Variants in LRIG3 observed in about 807,000 individuals in gnomAD.
The protein encoded by LRIG3 is leucine-rich repeats and immunoglobulin-like domains protein 3.
In LRIG3, 76 loss-of-function variants were observed where a neutral mutation model predicts 114.5. The ratio of observed to expected loss-of-function variants is 0.66; its 90% CI spans 0.55 to 0.80. The LOEUF (loss-of-function observed/expected upper bound fraction) is 0.80, where lower values mean the gene tolerates loss of function less well. Ranked by LOEUF, LRIG3 falls within the 30% of genes least tolerant of loss-of-function variation. LRIG3 has a pLI of 0.00. For missense variants in LRIG3, 1,239 were observed against 1,382.8 expected, an observed-to-expected ratio of 0.90 and a Z score of 1.65; for synonymous variants, 512 against 519.8, an observed-to-expected ratio of 0.98 and a Z score of 0.20.
rs577192576 is a variant in LRIG3 at position 58,872,499 on chromosome 12, T to C, written c.*73A>G. ...AATTCATAACTCCATTTAAAAAACATAAGATTCTCTCTCTTTTAAATAAAA... is the reference window on the plus strand; with the variant it reads ...AATTCATAACTCCATTTAAAAAACACAAGATTCTCTCTCTTTTAAATAAAA... On this transcript the variant is annotated 3_prime_UTR_variant, in exon 19 of 19. Transcript: ENST00000320743. The C allele has an allele frequency of 1.3e-5, 18 of 1,429,722 alleles. No individual in the cohort carries two copies. The Admixed American group carries it at 2.9e-4, about 23-fold the overall frequency. The allele number at this position is 1,429,722 out of a possible 1,614,324, so 88.6% of individuals were successfully genotyped here. A position where few individuals can be genotyped will look rare whatever the true frequency, so the allele number is the denominator to read the frequency against.
intron 12 of LRIG3, 35 bp from the exon 13 acceptor site, chr12:58,880,936 T>C (rs763361453): frequency 6.3e-7 from 1 of 1,586,650 alleles, no homozygotes; most frequent in Non-Finnish European, 8.6e-7. Context: ...CAAAACAATG[T>C]TAAGGCTCAA....
chr12:58,912,808 G>C (rs528295929), intron 3 of LRIG3, among the ~76,000 whole-genome samples: 2 of 152,204 alleles, frequency 1.3e-5, no homozygotes, highest in East Asian at 1.9e-4. Flanking sequence ...ACTCCATTTA[G>C]ATTCTAAAAT....
intron 3 of LRIG3, among the ~76,000 whole-genome samples, chr12:58,912,644 GCCATGAAGTATGCCATGAC>G (rs960933473): frequency 8.5e-5 from 13 of 152,140 alleles, no homozygotes; most frequent in Non-Finnish European, 1.3e-4. Flanking sequence ...GATCCTCTCA[GCCATGAAGTATGCCATGAC>G]CCTCAAGCTC....
intron 18 of LRIG3, chr12:58,873,739 CA>C: frequency 2.5e-6 from 1 of 395,218 alleles, no homozygotes; most frequent in Non-Finnish European, 4.6e-6. Flanking sequence ...CGTGGGAGCC[CA>C]AAACCACTTT....
At chr12:58,910,572 C>T (rs1369398400) in intron 3 of LRIG3, among the ~76,000 whole-genome samples, 3 of 152,114 alleles carry the variant, frequency 2.0e-5, no homozygotes, top group African/African-American at 7.2e-5. Flanking sequence ...TGAGCCACTG[C>T]ACTCCAGCCT....
At chr12:58,904,074 TTAAAG>T (rs544008385) in intron 3 of LRIG3, among the ~76,000 whole-genome samples, 67 of 152,262 alleles carry the variant, frequency 4.4e-4, no homozygotes, top group African/African-American at 1.5e-3. Flanking sequence ...CATATGAACT[TTAAAG>T]TAGTTTTTTC....
Position 58,888,346 on chromosome 12 carries a change from G to A in LRIG3, c.930C>T (p.Cys310=). The A allele has an allele frequency of 6.2e-7, 1 of 1,613,212 alleles. No individual in the cohort carries two copies. Among genetic ancestry groups the A allele is most frequent in the Non-Finnish European group, 8.5e-7 (1 of 1,179,378 alleles). ...NRISPDAWEF[C]QKLSELDLTF... ...CAACTCACAGCTCACTGAGCTTCTG[G>A]CAGAACTCCCAGGCATCAGGGCTGA... The change falls in exon 7 of 19, where the codon TGC becomes TGT. Residue 310 remains cysteine (C), a synonymous_variant. Transcript: ENST00000320743.
At chr12:58,876,741 G>GCAA (rs1237933297) in intron 15 of LRIG3, 138 bp from the exon 16 acceptor site, 13 of 836,468 alleles carry the variant, frequency 1.6e-5, no homozygotes, top group Non-Finnish European at 2.4e-5. Context: ...AAACCATCTC[G>GCAA]ATTGTACAGT....
intron 3 of LRIG3, among the ~76,000 whole-genome samples, chr12:58,900,723 T>A (rs1260704727): frequency 6.6e-6 from 1 of 152,222 alleles, no homozygotes; most frequent in Non-Finnish European, 1.5e-5. Flanking sequence ...GACAGTTGAT[T>A]CCATATAAAC....
At chr12:58,910,041 T>G (rs569743176) in intron 3 of LRIG3, among the ~76,000 whole-genome samples, 71 of 152,290 alleles carry the variant, frequency 4.7e-4, no homozygotes, top group Non-Finnish European at 8.5e-4. Flanking sequence ...CCAGCAAAGG[T>G]AATCAATATA....
intron 3 of LRIG3, among the ~76,000 whole-genome samples, chr12:58,912,896 G>T (rs1592312053): frequency 6.6e-6 from 1 of 152,324 alleles, no homozygotes; most frequent in African/African-American, 2.4e-5. Context: ...GTGTTTATTT[G>T]TCAAATACCG....
chr12:58,895,290 G>A (rs1395343784), intron 3 of LRIG3, among the ~76,000 whole-genome samples: 1 of 152,172 alleles, frequency 6.6e-6, no homozygotes, highest in Non-Finnish European at 1.5e-5. Flanking sequence ...CGACAGGAAA[G>A]GAGGAGTGGG....
chr12:58,901,374 T>C lies in LRIG3; in HGVS notation c.384-10578A>G, dbSNP rs563073972. Among the ~76,000 whole-genome samples, 4 of 152,310 alleles carry C rather than the reference T, an allele frequency of 2.6e-5. No individual in the cohort carries two copies. In the South Asian group the frequency reaches 6.2e-4, roughly 24 times the overall value. On this transcript the variant is annotated intron_variant, in intron 3 of 18. Transcript: ENST00000320743. ...ATCTCAGTTACCTTGTTCTGGCCAT[T>C]GTGTTTATACTGCCATGCCAGACAG...
At position 58,885,836 on chromosome 12, in the gene LRIG3, C is replaced by A; in HGVS notation, c.1239G>T (p.Glu413Asp). The change falls in exon 10 of 19, where the codon GAG becomes GAT. Residue 413 changes from glutamate (E) to aspartate (D), a missense_variant. Transcript: ENST00000320743. Reference protein sequence around the residue: ...KKAFTGLDALEHLDLSDNAIM... With the variant: ...KKAFTGLDALDHLDLSDNAIM... ...ACTAAATTCTAGCTACTCACAGATG[C>A]TCCAATGCATCCAAACCAGTGAAGG... 1 of 1,580,900 alleles carries A rather than the reference C, an allele frequency of 6.3e-7. No individual in the cohort carries two copies. The highest frequency in any genetic ancestry group is 1.1e-5 in the South Asian group (1 of 88,210).
At chr12:58,904,212 C>T (rs1025617354) in intron 3 of LRIG3, among the ~76,000 whole-genome samples, 12 of 152,074 alleles carry the variant, frequency 7.9e-5, no homozygotes, top group African/African-American at 2.4e-4. Flanking sequence ...CTCCATCAAA[C>T]GAGGACCCTG....
chr12:58,875,394 C>A (rs982921347), intron 16 of LRIG3, among the ~76,000 whole-genome samples: 1 of 152,224 alleles, frequency 6.6e-6, no homozygotes, highest in African/African-American at 2.4e-5. Flanking sequence ...GCTTGCCAAG[C>A]ACTTTTAGTT....
In LRIG3 at chr12:58,920,093, G is replaced by C; in HGVS notation, c.143C>G (p.Pro48Arg). 1 of 1,554,760 alleles carries C rather than the reference G, an allele frequency of 6.4e-7. No homozygotes were observed. Among genetic ancestry groups the C allele is most frequent in the Non-Finnish European group, 8.7e-7 (1 of 1,149,784 alleles). ...PSGVAAERPC[P>R]TTCRCLGDLL... ...GTCCCCGAGGCAGCGGCAGGTAGTG[G>C]GGCATGGGCGCTCGGCGGCTACCCC... The change falls in exon 1 of 19, where the codon CCC becomes CGC. Residue 48 changes from proline (P) to arginine (R), a missense_variant. Pro to Arg is a moderately radical substitution (Grantham distance 103). Coordinates refer to ENST00000320743, the MANE Select transcript of LRIG3 (RefSeq NM_153377.5).
At position 58,890,139 on chromosome 12, in the gene LRIG3, C is replaced by T; in HGVS notation, c.516G>A (p.Leu172=). ...TAFPALQLKY[L]YLNSNRVTSM... ...ATGTGACTCGGTTGCTGTTGAGATACCTGTTGAAAGTTTAAAGATGAGCTT... is the reference window on the plus strand; with the variant it reads ...ATGTGACTCGGTTGCTGTTGAGATATCTGTTGAAAGTTTAAAGATGAGCTT... The change falls in exon 5 of 19, where the codon CTG becomes CTA. Residue 172 remains leucine, a splice_region_variant and synonymous_variant. Coordinates refer to ENST00000320743, the MANE Select transcript of LRIG3 (RefSeq NM_153377.5). 6.2e-7 allele frequency: 1 copy of T among 1,612,696 alleles called. No homozygotes were observed. Among genetic ancestry groups the T allele is most frequent in the Non-Finnish European group, 8.5e-7 (1 of 1,179,156 alleles).
Position 58,877,295 on chromosome 12 carries a change from C to T in LRIG3, c.2536+105G>A, listed in dbSNP as rs145468849. On this transcript the variant is annotated intron_variant, in intron 15 of 18. Transcript: ENST00000320743. ...CTGCAGCTTGAAACAAATGAGTCAC[C>T]CTTCTGAGATGAACTCAGACTGCAA... 8 of 1,132,584 alleles carry T rather than the reference C, an allele frequency of 7.1e-6. No individual in the cohort carries two copies. In the African/African-American group the frequency reaches 9.3e-5, roughly 13 times the overall value. 70.2% of individuals were successfully genotyped at this position (1,132,584 alleles called of 1,614,324 possible).
Sources: allele counts gnomAD v4.1 joint callset (sites outside exome capture counted in the v4.1 genomes callset), GRCh38; gene constraint gnomAD v4.1.1; transcripts MANE v1.5; gene names NCBI Gene and HGNC (gene_info 2026-07-23, HGNC 2026-07-21).